The following ZC4H2 variants were observed in gnomAD, a reference collection of about 807,000 sequenced individuals.
ZC4H2 encodes the protein zinc finger C4H2 domain-containing protein.
For synonymous variants in ZC4H2, 84 were observed against 66.3 expected (o/e 1.27, Z -1.30); for missense variants, 137 against 173.9 (o/e 0.79, Z 1.19).
intron 1 of ZC4H2, among the ~76,000 whole-genome samples, chrX:65,026,997 T>C (rs1462177033): frequency 4.5e-5 from 5 of 112,309 alleles, no homozygotes; most frequent in Non-Finnish European, 9.4e-5. Context: ...CGATGAAATA[T>C]CTTAATCTAG....
At chrX:64,930,583 T>C (rs935266504) in intron 1 of ZC4H2, among the ~76,000 whole-genome samples, 3 of 111,764 alleles carry the variant, frequency 2.7e-5, no homozygotes, top group East Asian at 5.6e-4. Flanking sequence ...AAAAAAGGGA[T>C]AATTTTATCA....
At chrX:64,994,203 T>C (rs1013865725) in intron 1 of ZC4H2, among the ~76,000 whole-genome samples, 28 of 111,801 alleles carry the variant, frequency 2.5e-4, no homozygotes, top group Admixed American at 2.3e-3. Context: ...CAGGTATTAT[T>C]AGTATGATTC....
At chrX:64,928,650 T>TCTA (rs1385409523) in intron 1 of ZC4H2, among the ~76,000 whole-genome samples, 7 of 95,580 alleles carry the variant, frequency 7.3e-5, no homozygotes, top group African/African-American at 2.6e-4. Context: ...TTCTTCTTCT[T>TCTA]CTTCTTCTTC....
At position 64,918,902 on chromosome X, in the gene ZC4H2, C is replaced by A. The variant is rs139835244; in HGVS notation, c.561+140G>T. The A allele has an allele frequency of 3.3e-4, 248 of 760,007 alleles. No homozygotes were observed. In the African/African-American group the frequency reaches 4.9e-3, roughly 15 times the overall value. The allele number at this position is 760,007 out of a possible 1,213,427, so 62.6% of individuals were successfully genotyped here. On this transcript the variant is annotated intron_variant, in intron 4 of 4. Coordinates refer to ENST00000374839, the MANE Select transcript of ZC4H2 (RefSeq NM_018684.4). ...TGTCCAACACAGCACACCCATGTCA[C>A]CCCTTCCACTGTGTCACAAGCAAAG...
intron 1 of ZC4H2, among the ~76,000 whole-genome samples, chrX:64,989,715 C>T (rs940935301): frequency 8.9e-6 from 1 of 112,082 alleles, no homozygotes; most frequent in African/African-American, 3.2e-5. Flanking sequence ...AAACAATTGT[C>T]AAAAGATATG....
upstream of ZC4H2, among the ~76,000 whole-genome samples, chrX:64,976,875 G>A (rs1931966420): frequency 1.0e-5 from 1 of 100,089 alleles, no homozygotes; most frequent in African/African-American, 3.6e-5. Flanking sequence ...TGGAGACGTT[G>A]AATGTGCTAG....
intron 1 of ZC4H2, among the ~76,000 whole-genome samples, chrX:64,928,432 T>C (rs769074542): frequency 8.9e-6 from 1 of 112,125 alleles, no homozygotes; most frequent in Non-Finnish European, 1.9e-5. Context: ...CAGATGGTTG[T>C]AGATTTGTGG....
chrX:64,983,752 T>C (rs1330730208), intron 1 of ZC4H2, among the ~76,000 whole-genome samples: 2 of 111,906 alleles, frequency 1.8e-5, no homozygotes, highest in Non-Finnish European at 3.8e-5. Flanking sequence ...TACGGAATAG[T>C]ATTCAAACAT....
At chrX:64,938,302 C>G (rs184789574) in intron 1 of ZC4H2, among the ~76,000 whole-genome samples, 1 of 111,719 alleles carries the variant, frequency 9.0e-6, no homozygotes, top group South Asian at 3.7e-4. Flanking sequence ...AACAGACTAC[C>G]AACCAAAAAA....
intron 2 of ZC4H2, 97 bp from the exon 3 acceptor site, chrX:64,920,350 T>C (rs781076348): frequency 1.0e-6 from 1 of 959,242 alleles, no homozygotes; most frequent in African/African-American, 1.9e-5. Context: ...CCAGAACTTG[T>C]TCAGTCTATA....
At chrX:64,997,823 G>A (rs1052353760) in intron 1 of ZC4H2, among the ~76,000 whole-genome samples, 4 of 111,410 alleles carry the variant, frequency 3.6e-5, no homozygotes, top group Non-Finnish European at 7.5e-5. Flanking sequence ...TCACCATATT[G>A]CTCAGGTTAG....
intron 1 of ZC4H2, among the ~76,000 whole-genome samples, chrX:65,012,948 C>G (rs1316193641): frequency 9.0e-6 from 1 of 111,418 alleles, no homozygotes; most frequent in Non-Finnish European, 1.9e-5. Context: ...TTCAGAAATG[C>G]TCGACAAATT....
intron 1 of ZC4H2, among the ~76,000 whole-genome samples, chrX:65,031,846 A>T (rs778586024): frequency 7.0e-4 from 79 of 112,270 alleles, no homozygotes; most frequent in Non-Finnish European, 1.4e-3. Flanking sequence ...AGGTAAGAAA[A>T]GTTTTATTAT....
intron 1 of ZC4H2, among the ~76,000 whole-genome samples, chrX:65,002,600 G>A (rs1180517603): frequency 4.9e-4 from 55 of 111,563 alleles, no homozygotes; most frequent in South Asian, 2.7e-3. Context: ...TGACGATGGC[G>A]GTTTTGTTGA....
intron 1 of ZC4H2, among the ~76,000 whole-genome samples, chrX:64,998,069 C>T (rs1932453822): frequency 9.0e-6 from 1 of 111,476 alleles, no homozygotes; most frequent in Non-Finnish European, 1.9e-5. Context: ...AGAAACTGTG[C>T]ATGCAAAAAA....
chrX:64,963,728 G>A (rs1348143085), intron 1 of ZC4H2, among the ~76,000 whole-genome samples: 4 of 111,102 alleles, frequency 3.6e-5, no homozygotes, highest in Non-Finnish European at 1.9e-5. Context: ...TTGTCCAAAA[G>A]AATTGAAATC....
At chrX:65,018,034 C>G (rs774031196) in intron 1 of ZC4H2, among the ~76,000 whole-genome samples, 2 of 111,971 alleles carry the variant, frequency 1.8e-5, no homozygotes, top group African/African-American at 6.5e-5. Flanking sequence ...CCAATAAACA[C>G]AACTCACAGA....
At chrX:65,001,276 T>C (rs771171062) in intron 1 of ZC4H2, among the ~76,000 whole-genome samples, 5 of 111,637 alleles carry the variant, frequency 4.5e-5, no homozygotes, top group East Asian at 2.8e-4. Context: ...TGTAGGGTTA[T>C]TGGGGGCCAA....
At chrX:64,923,393 T>C (rs1409081077) in intron 1 of ZC4H2, among the ~76,000 whole-genome samples, 1 of 110,960 alleles carries the variant, frequency 9.0e-6, no homozygotes, top group Non-Finnish European at 1.9e-5. Context: ...AGGATCTGCC[T>C]AGCCATTATC....
Sources: gnomAD v4.1 joint callset for allele counts (sites outside exome capture counted in the v4.1 genomes callset) on GRCh38, gnomAD v4.1.1 for gene constraint, MANE v1.5 for transcripts, NCBI Gene and HGNC (gene_info 2026-07-23, HGNC 2026-07-21) for gene names.